The following LRRC8C variants were observed in gnomAD, a reference collection of about 807,000 sequenced individuals.
The protein encoded by LRRC8C is leucine rich repeat containing 8 VRAC subunit C, also known as volume-regulated anion channel subunit LRRC8C.
A neutral mutation model predicts 55.3 loss-of-function variants in LRRC8C; 20 were observed. The ratio of observed to expected loss-of-function variants is 0.36; its 90% CI spans 0.25 to 0.53. LRRC8C has a LOEUF of 0.53. Ranked by LOEUF, LRRC8C falls within the 20% of genes least tolerant of loss-of-function variation. The probability of loss-of-function intolerance (pLI) is 0.92; values close to 1 mark genes in which losing one functional copy is unlikely to be tolerated. For missense variants in LRRC8C, 659 were observed against 951.4 expected, an observed-to-expected ratio of 0.69 and a Z score of 4.04; for synonymous variants, 376 against 360.7, an observed-to-expected ratio of 1.04 and a Z score of -0.48.
intron 1 of LRRC8C, among the ~76,000 whole-genome samples, chr1:89,677,256 T>C (rs1472149623): frequency 1.3e-5 from 2 of 152,192 alleles, no homozygotes; most frequent in Non-Finnish European, 2.9e-5. Context: ...AATTGGTCCA[T>C]TAATTGAACA....
intron 1 of LRRC8C, among the ~76,000 whole-genome samples, chr1:89,665,874 C>G (rs746059523): frequency 7.9e-5 from 12 of 152,134 alleles, no homozygotes; most frequent in Non-Finnish European, 1.6e-4. Flanking sequence ...TACAGGTGTA[C>G]TATTTTTAAT....
intron 2 of LRRC8C, among the ~76,000 whole-genome samples, chr1:89,709,755 G>GT (rs67684610): frequency 0.24 from 32,828 of 134,196 alleles, 4,036 homozygotes; most frequent in East Asian, 0.33. Flanking sequence ...TTTTTTGTTT[G>GT]TTTTTTTTTT....
chr1:89,633,051 G>C (rs1193744685), upstream of LRRC8C: 1 of 152,030 alleles, frequency 6.6e-6, no homozygotes, highest in Non-Finnish European at 1.5e-5. Context: ...CTGCGTGCGG[G>C]GCGGCGCTGG....
intron 1 of LRRC8C, among the ~76,000 whole-genome samples, chr1:89,685,703 C>T (rs1240469228): frequency 6.6e-6 from 1 of 152,036 alleles, no homozygotes; most frequent in Non-Finnish European, 1.5e-5. Flanking sequence ...TGGGTGCACC[C>T]TATTCATTTA....
chr1:89,661,649 CA>C (rs1362480699), intron 1 of LRRC8C, among the ~76,000 whole-genome samples: 1 of 152,120 alleles, frequency 6.6e-6, no homozygotes, highest in Non-Finnish European at 1.5e-5. Flanking sequence ...AAACATTTTG[CA>C]AATTGGGCAA....
Position 89,633,334 on chromosome 1 carries a change from G to T in LRRC8C, c.-5+12G>T, listed in dbSNP as rs960466553. 1 of 152,324 alleles carries T rather than the reference G, an allele frequency of 6.6e-6. No homozygotes were observed. The highest frequency in any genetic ancestry group is 1.5e-5 in the Non-Finnish European group (1 of 68,148). The allele number at this position is 152,324 out of a possible 1,614,324, so 9.4% of individuals were successfully genotyped here. On this transcript the variant is annotated intron_variant, in intron 1 of 2. Coordinates refer to ENST00000370454, the MANE Select transcript of LRRC8C (RefSeq NM_032270.5). ...TCTCGCGCCCGGAGGTAAGGGCGGG[G>T]GATCCGCGGAGGGATGGAGAGGGGC...
chr1:89,700,180 T>C (rs994670330), intron 2 of LRRC8C, among the ~76,000 whole-genome samples: 5 of 152,148 alleles, frequency 3.3e-5, no homozygotes, highest in African/African-American at 1.2e-4. Context: ...TTTCTCCCTC[T>C]CTCTCCCCAA....
chr1:89,673,085 TAA>T (rs989083773), intron 1 of LRRC8C, among the ~76,000 whole-genome samples: 7 of 152,218 alleles, frequency 4.6e-5, no homozygotes, highest in Non-Finnish European at 8.8e-5. Flanking sequence ...GTTGGACTTT[TAA>T]AAGTGTTTTT....
intron 2 of LRRC8C, among the ~76,000 whole-genome samples, chr1:89,695,354 A>ATC (rs1461004684): frequency 1.8e-4 from 27 of 152,330 alleles, no homozygotes; most frequent in African/African-American, 5.8e-4. Flanking sequence ...TAGAATTGGC[A>ATC]TCTCCCTACT....
the LRRC8C span, among the ~76,000 whole-genome samples, chr1:89,625,445 A>C: frequency 6.6e-6 from 1 of 152,200 alleles, no homozygotes; most frequent in Admixed American, 6.5e-5. Flanking sequence ...CCATTAATAC[A>C]TCACTGATAC....
chr1:89,679,955 G>A (rs1657651539), intron 1 of LRRC8C, among the ~76,000 whole-genome samples: 1 of 152,128 alleles, frequency 6.6e-6, no homozygotes, highest in Non-Finnish European at 1.5e-5. Flanking sequence ...TACATTCTGG[G>A]ATATTAATTC....
upstream of LRRC8C, chr1:89,629,781 T>C (rs1656058836): frequency 6.6e-6 from 1 of 152,228 alleles, no homozygotes; most frequent in African/African-American, 2.4e-5. Context: ...GAGCATGCCA[T>C]GGTAAGTGCT....
chr1:89,643,193 GCCATCC>G (rs1656517599), intron 1 of LRRC8C, among the ~76,000 whole-genome samples: 2 of 152,132 alleles, frequency 1.3e-5, no homozygotes, highest in Admixed American at 1.3e-4. Flanking sequence ...TGAGACTCAA[GCCATCC>G]TTCTACCTCA....
chr1:89,626,244 T>C, the LRRC8C span: 2 of 152,216 alleles, frequency 1.3e-5, no homozygotes. Context: ...ACACTACATA[T>C]GTATATAGCA....
At chr1:89,640,827 C>G (rs888566779) in intron 1 of LRRC8C, among the ~76,000 whole-genome samples, 2 of 151,994 alleles carry the variant, frequency 1.3e-5, no homozygotes, top group African/African-American at 2.4e-5. Flanking sequence ...ATATAAGTGA[C>G]TTTGTGGTGT....
rs113317137 is a variant in LRRC8C, at chr1:89,638,890, A to C, written c.-5+5568A>C. Among the ~76,000 whole-genome samples the C allele has an allele frequency of 6.0e-3, 909 of 152,148 alleles. 7 individuals carry two copies. The highest frequency in any genetic ancestry group is 0.021 in the African/African-American group (882 of 41,522). ...TGTGGTATTATTCATTCTTTTGACTAATCAATTGTATGAGTATAAATTGGT... is the reference window on the plus strand; with the variant it reads ...TGTGGTATTATTCATTCTTTTGACTCATCAATTGTATGAGTATAAATTGGT... On this transcript the variant is annotated intron_variant, in intron 1 of 2. Coordinates refer to ENST00000370454, the MANE Select transcript of LRRC8C (RefSeq NM_032270.5).
chr1:89,701,216 C>G (rs926509049), intron 2 of LRRC8C, among the ~76,000 whole-genome samples: 3 of 152,158 alleles, frequency 2.0e-5, no homozygotes, highest in African/African-American at 7.2e-5. Context: ...GTGGCTCATG[C>G]CTGTAATCCC....
At chr1:89,701,934 A>T (rs1218998037) in intron 2 of LRRC8C, among the ~76,000 whole-genome samples, 3 of 152,176 alleles carry the variant, frequency 2.0e-5, no homozygotes, top group Non-Finnish European at 4.4e-5. Flanking sequence ...TAGTAAAGGG[A>T]ACCATAAATG....
At chr1:89,681,739 T>G (rs1657715506) in intron 1 of LRRC8C, among the ~76,000 whole-genome samples, 1 of 152,140 alleles carries the variant, frequency 6.6e-6, no homozygotes, top group Non-Finnish European at 1.5e-5. Context: ...ACCAGGTCCC[T>G]CCGATGACAC....
Sources: gnomAD v4.1 joint callset for allele counts (sites outside exome capture counted in the v4.1 genomes callset) on GRCh38, gnomAD v4.1.1 for gene constraint, MANE v1.5 for transcripts, NCBI Gene and HGNC (gene_info 2026-07-23, HGNC 2026-07-21) for gene names.